The following NOTCH2NLB variants were observed in gnomAD, a reference collection of about 807,000 sequenced individuals.
The protein encoded by NOTCH2NLB is notch homolog 2 N-terminal-like protein B.
A neutral mutation model predicts 14.8 loss-of-function variants in NOTCH2NLB; 1 was observed. That is an observed-to-expected ratio of 0.07 (90% CI 0.02 to 0.32). The LOEUF is 0.32. NOTCH2NLB is among the 10% of genes least tolerant of loss of function. The pLI, the probability that NOTCH2NLB is intolerant of heterozygous loss-of-function variation, is 1.00. For missense variants in NOTCH2NLB, 11 were observed against 155.0 expected, an observed-to-expected ratio of 0.07 and a Z score of 4.93; for synonymous variants, 6 against 57.5, an observed-to-expected ratio of 0.10 and a Z score of 4.05.
chr1:148,638,170 T>A (rs1242361901), intron 2 of NOTCH2NLB, among the ~76,000 whole-genome samples: 1 of 148,438 alleles, frequency 6.7e-6, no homozygotes, highest in Non-Finnish European at 1.5e-5. Context: ...ATCGCCACAC[T>A]GAAATTTTTA....
chr1:148,675,308 A>T (rs1195985708), intron 1 of NOTCH2NLB, among the ~76,000 whole-genome samples: 2 of 4,700 alleles, frequency 4.3e-4, no homozygotes, highest in African/African-American at 1.3e-3. Context: ...GTTTTTCCCC[A>T]AATGTAAGGT....
chr1:148,661,545 T>C (rs1480075426), intron 1 of NOTCH2NLB, among the ~76,000 whole-genome samples: 1 of 149,644 alleles, frequency 6.7e-6, no homozygotes, highest in Non-Finnish European at 1.5e-5. Context: ...TATGAAAAAA[T>C]TGTATGTATT....
At chr1:148,608,204 T>C (rs1363785069) in intron 3 of NOTCH2NLB, among the ~76,000 whole-genome samples, 3 of 136,062 alleles carry the variant, frequency 2.2e-5, no homozygotes, top group Non-Finnish European at 4.5e-5. Flanking sequence ...CCAGCCAATA[T>C]GGTGAAACCC....
At chr1:148,692,078 G>A in the NOTCH2NLB span, among the ~76,000 whole-genome samples, 3 of 7,568 alleles carry the variant, frequency 4.0e-4, no homozygotes, top group African/African-American at 2.8e-3. Flanking sequence ...TGCAAGCTCC[G>A]CTCACTGCAA....
chr1:148,698,482 TGA>T, the NOTCH2NLB span, among the ~76,000 whole-genome samples: 6 of 140,216 alleles, frequency 4.3e-5, no homozygotes, highest in African/African-American at 1.5e-4. Context: ...GTGCTGGGAG[TGA>T]GAGCATTTCA....
chr1:148,701,054 G>T, the NOTCH2NLB span, among the ~76,000 whole-genome samples: 2 of 47,376 alleles, frequency 4.2e-5, no homozygotes, highest in Non-Finnish European at 8.4e-5. Flanking sequence ...GCTCTGGGAC[G>T]ACTCTTTGGT....
chr1:148,708,113 G>A, the NOTCH2NLB span, among the ~76,000 whole-genome samples: 2 of 65,324 alleles, frequency 3.1e-5, no homozygotes, highest in Non-Finnish European at 5.7e-5. Flanking sequence ...TTGCATGTGC[G>A]TGTATGTATA....
chr1:148,660,373 C>T (rs1441993384), intron 1 of NOTCH2NLB, among the ~76,000 whole-genome samples: 1 of 118,514 alleles, frequency 8.4e-6, no homozygotes, highest in Non-Finnish European at 1.8e-5. Flanking sequence ...TCTTTCTAGT[C>T]TGGTAAAGGA....
intron 1 of NOTCH2NLB, among the ~76,000 whole-genome samples, chr1:148,645,869 GTCTTT>G (rs1664360236): frequency 6.6e-6 from 1 of 150,578 alleles, no homozygotes; most frequent in Non-Finnish European, 1.5e-5. Context: ...AAAACATTTC[GTCTTT>G]TCTGAGTATT....
At chr1:148,637,601 T>C (rs1431047378) in intron 2 of NOTCH2NLB, among the ~76,000 whole-genome samples, 3 of 147,878 alleles carry the variant, frequency 2.0e-5, no homozygotes, top group Non-Finnish European at 3.0e-5. Context: ...TGCTTTTAAG[T>C]TTTGGGATAC....
downstream of NOTCH2NLB, among the ~76,000 whole-genome samples, chr1:148,605,354 A>G (rs1663479158): frequency 7.0e-6 from 1 of 142,786 alleles, no homozygotes; most frequent in Non-Finnish European, 1.5e-5. Flanking sequence ...AGTACCTGGC[A>G]CAGTTCCTGA....
Position 148,621,427 on chromosome 1 carries a change from G to A in NOTCH2NLB, c.78-5477C>T, listed in dbSNP as rs1241619769. Among the ~76,000 whole-genome samples, 5 of 81,244 alleles carry A rather than the reference G, an allele frequency of 6.2e-5. 1 individual carries two copies. The highest frequency in any genetic ancestry group is 1.0e-4 in the Non-Finnish European group (5 of 49,604). 53.3% of individuals were successfully genotyped at this position (81,244 alleles called of 152,430 possible). On this transcript the variant is annotated intron_variant, in intron 2 of 4. Coordinates refer to ENST00000593495, the Ensembl canonical transcript of NOTCH2NLB. ...TGAAATGTCCAGAATATGCAAATCC[G>A]TAGAGATAGAAAGTAGATTAGTGTT...
At chr1:148,625,614 C>T (rs1248996278) in intron 2 of NOTCH2NLB, among the ~76,000 whole-genome samples, 1 of 119,236 alleles carries the variant, frequency 8.4e-6, no homozygotes, top group Non-Finnish European at 1.7e-5. Context: ...ATTCTTTAAA[C>T]AGAACTTTGC....
At chr1:148,649,901 ATCT>A (rs1407701374) in intron 1 of NOTCH2NLB, among the ~76,000 whole-genome samples, 5 of 100,576 alleles carry the variant, frequency 5.0e-5, no homozygotes, top group African/African-American at 1.2e-4. Flanking sequence ...AATATATATA[ATCT>A]TCTTGCTATA....
In NOTCH2NLB at chr1:148,679,478, G is replaced by C. The variant is rs1664889519; in HGVS notation, c.-14C>G. The C allele has an allele frequency of 3.5e-5, 39 of 1,108,570 alleles. 13 individuals carry two copies. The highest frequency in any genetic ancestry group is 4.3e-5 in the Non-Finnish European group (37 of 862,408). 68.7% of individuals were successfully genotyped at this position (1,108,570 alleles called of 1,614,324 possible). A position where few individuals can be genotyped will look rare whatever the true frequency, so the allele number is the denominator to read the frequency against. On this transcript the variant is annotated 5_prime_UTR_variant, in exon 1 of 5. Transcript: ENST00000593495. ...GATACTCACCATGCGCGGGGGTCGC[G>C]CAGCACAGCCAGAGCGCCAGCAGCG...
downstream of NOTCH2NLB, among the ~76,000 whole-genome samples, chr1:148,604,936 T>A (rs1471658153): frequency 1.5e-5 from 2 of 133,422 alleles, no homozygotes; most frequent in Non-Finnish European, 1.6e-5. Context: ...TTTAAACATC[T>A]GCACAACGCC....
intron 1 of NOTCH2NLB, among the ~76,000 whole-genome samples, chr1:148,646,804 GCT>G (rs1337682400): frequency 1.4e-5 from 2 of 147,134 alleles, no homozygotes; most frequent in Non-Finnish European, 3.0e-5. Flanking sequence ...TCCAGACAAG[GCT>G]CTTTTATTTA....
intron 3 of NOTCH2NLB, among the ~76,000 whole-genome samples, chr1:148,611,430 T>TAAA (rs1416946786): frequency 0.028 from 1 of 36 alleles, no homozygotes; most frequent in African/African-American, 0.05. Flanking sequence ...GTTCTGCTTT[T>TAAA]GCTTCTTCCT....
the NOTCH2NLB span, among the ~76,000 whole-genome samples, chr1:148,686,490 G>T: frequency 5.0e-5 from 1 of 20,000 alleles, no homozygotes; most frequent in South Asian, 3.2e-3. Flanking sequence ...CCTGCAGACA[G>T]TTCACACCTC....
Sources: allele counts gnomAD v4.1 joint callset (sites outside exome capture counted in the v4.1 genomes callset), GRCh38; gene constraint gnomAD v4.1.1; transcripts MANE v1.5; gene names NCBI Gene and HGNC (gene_info 2026-07-23, HGNC 2026-07-21).